Variants in MARK4 observed in about 807,000 individuals in gnomAD.
MARK4 encodes the protein microtubule affinity regulating kinase 4.
A neutral mutation model predicts 81.5 loss-of-function variants in MARK4; 19 were observed. The ratio of observed to expected loss-of-function variants is 0.23; its 90% CI spans 0.16 to 0.34. The LOEUF (loss-of-function observed/expected upper bound fraction) is 0.34, where lower values mean the gene tolerates loss of function less well. Among genes scored for constraint, MARK4 ranks in the 10% least tolerant of loss-of-function variants. The pLI is 1.00. For synonymous variants in MARK4, 436 were observed against 439.0 expected (o/e 0.99, Z 0.08); for missense variants, 772 against 1,058.8 (o/e 0.73, Z 3.76).
At chr19:45,294,106 C>G (rs1341062961) in intron 13 of MARK4, among the ~76,000 whole-genome samples, 1 of 152,104 alleles carries the variant, frequency 6.6e-6, no homozygotes, top group Admixed American at 6.5e-5. Flanking sequence ...TTCCCTGCCT[C>G]GTTTTCCCTC....
At chr19:45,251,917 C>T (rs963092449) in intron 1 of MARK4, among the ~76,000 whole-genome samples, 3 of 152,048 alleles carry the variant, frequency 2.0e-5, no homozygotes, top group Non-Finnish European at 2.9e-5. Context: ...GCCCCTTCCC[C>T]TGCTTCCAGG....
chr19:45,266,972 T>A (rs988084492), intron 7 of MARK4, among the ~76,000 whole-genome samples: 1 of 152,008 alleles, frequency 6.6e-6, no homozygotes, highest in African/African-American at 2.4e-5. Context: ...GACCTTGTGA[T>A]CCGCCCGCCT....
intron 12 of MARK4, among the ~76,000 whole-genome samples, chr19:45,283,406 T>C (rs1278997770): frequency 3.5e-5 from 3 of 85,128 alleles, no homozygotes; most frequent in South Asian, 4.3e-4. Context: ...TGAGACTTCC[T>C]CTCAAAAAAA....
intron 15 of MARK4, 67 bp downstream of exon 15, chr19:45,298,021 A>G: frequency 6.5e-7 from 1 of 1,548,204 alleles, no homozygotes; most frequent in Non-Finnish European, 8.7e-7. Context: ...CCTGTCTTCC[A>G]CTCTGCTCTG....
intron 1 of MARK4, among the ~76,000 whole-genome samples, chr19:45,256,733 C>A (rs1391026786): frequency 6.6e-6 from 1 of 152,140 alleles, no homozygotes; most frequent in Non-Finnish European, 1.5e-5. Context: ...CAGGCATATC[C>A]TGCTTTTTCG....
chr19:45,265,021 C>T (rs1385315890), intron 6 of MARK4, 111 bp downstream of exon 6: 1 of 1,060,998 alleles, frequency 9.4e-7, no homozygotes, highest in Admixed American at 1.9e-5. Flanking sequence ...GGGCTTAAGT[C>T]TGGGCAGGGG....
rs1383470469 is a variant in MARK4, at chr19:45,302,833, TG to T, written c.*128del. ...CACCTCAGTTTCCCTGAATTATATT[TG>T]GGGGCAAAGATTGTCCCCTCTGCTG... On this transcript the variant is annotated 3_prime_UTR_variant, in exon 17 of 17. Transcript: ENST00000262891. The surrounding 1 kb of genome is among the most constrained non-coding windows in gnomAD (Gnocchi z 4.9). 7.2e-6 allele frequency: 10 copies of T among 1,392,104 alleles called. No individual in the cohort carries two copies. In the East Asian group the frequency reaches 2.5e-4, roughly 35 times the overall value. 86.2% of individuals were successfully genotyped at this position (1,392,104 alleles called of 1,614,324 possible).
At chr19:45,252,616 C>T (rs1436125111) in intron 1 of MARK4, among the ~76,000 whole-genome samples, 1 of 152,100 alleles carries the variant, frequency 6.6e-6, no homozygotes, top group Non-Finnish European at 1.5e-5. Context: ...GAAGCCCCCT[C>T]CTCAGCTTCA....
rs1484768311 is a variant in MARK4, at chr19:45,287,563, G to C, written c.1393G>C (p.Gly465Arg). The C allele has an allele frequency of 6.3e-7, 1 of 1,592,618 alleles. No homozygotes were observed. The highest frequency in any genetic ancestry group is 1.3e-5 in the African/African-American group (1 of 74,486). The change falls in exon 13 of 17, where the codon GGG becomes CGG. Residue 465 changes from glycine to arginine, a missense_variant. Physicochemically the swap from Gly to Arg is moderately radical, Grantham distance 125. Around this residue, in one of 3 missense-constraint regions of MARK4, gnomAD observed 548 missense variants for 624.3 expected, o/e 0.88. Transcript: ENST00000262891. The stretch of plus-strand genomic sequence containing the variant: ...GGCGAGCTGCAGCACCGCGGGGAGT[G>C]GGAGTCGAGGGCTGCCCCCCTCCAG... ...RKASCSTAGS[G>R]SRGLPPSSPM...
intron 2 of MARK4, among the ~76,000 whole-genome samples, chr19:45,262,352 G>C (rs1316053876): frequency 7.1e-6 from 1 of 140,012 alleles, no homozygotes; most frequent in African/African-American, 2.5e-5. Context: ...AGAAAAGGGG[G>C]CGGGGGGGTG....
At position 45,280,361 on chromosome 19, in the gene MARK4, C is replaced by A. The variant is rs770271594; in HGVS notation, c.1007-13C>A. On this transcript the variant is annotated splice_polypyrimidine_tract_variant and intron_variant, in intron 10 of 16. Coordinates refer to ENST00000262891, the MANE Select transcript of MARK4 (RefSeq NM_001199867.2). The stretch of plus-strand genomic sequence containing the variant: ...CTGGGAGTCTGAAACTTCTCTCCAT[C>A]CCCCCCTCCCAGAGGTGATGGTGGG... The A allele has an allele frequency of 6.3e-7, 1 of 1,597,758 alleles. No individual in the cohort carries two copies. Among genetic ancestry groups the A allele is most frequent in the Non-Finnish European group, 8.6e-7 (1 of 1,166,196 alleles).
chr19:45,289,784 CA>C (rs1221088495), intron 13 of MARK4, among the ~76,000 whole-genome samples: 2 of 151,744 alleles, frequency 1.3e-5, no homozygotes, highest in African/African-American at 4.8e-5. Context: ...CAAAACAAAA[CA>C]AAACAAAAAG....
intron 10 of MARK4, among the ~76,000 whole-genome samples, chr19:45,278,955 A>G (rs184878671): frequency 6.6e-6 from 1 of 152,182 alleles, no homozygotes; most frequent in Non-Finnish European, 1.5e-5. Context: ...GAGGTGGTTC[A>G]TGCTGGTAAT....
chr19:45,284,982 T>TTGGGG lies in MARK4; in HGVS notation c.1277-2461_1277-2460insGTGGG, dbSNP rs1384860718. On this transcript the variant is annotated intron_variant, in intron 12 of 16. Coordinates refer to ENST00000262891, the MANE Select transcript of MARK4 (RefSeq NM_001199867.2). ...GGTGAGCACCTGTAATCTCAGCTAC[T>TTGGGG]TGGGAGGCTGAGGCAGGAGAATTGC... Among the ~76,000 whole-genome samples, 3 of 152,146 alleles carry TTGGGG rather than the reference T, an allele frequency of 2.0e-5. No homozygotes were observed. In the East Asian group the frequency reaches 5.8e-4, roughly 30 times the overall value.
chr19:45,290,114 CAAA>C (rs1405707933), intron 13 of MARK4, among the ~76,000 whole-genome samples: 2 of 152,166 alleles, frequency 1.3e-5, no homozygotes, highest in African/African-American at 4.8e-5. Context: ...AAGAAACAAA[CAAA>C]AAAGTTTTTA....
chr19:45,281,106 G>A (rs1296832344), intron 12 of MARK4, among the ~76,000 whole-genome samples: 2 of 151,584 alleles, frequency 1.3e-5, no homozygotes, highest in East Asian at 1.9e-4. Context: ...AGGCTGTAGT[G>A]CAGTGGTGTG....
intron 13 of MARK4, among the ~76,000 whole-genome samples, chr19:45,291,509 G>A (rs1162013344): frequency 2.0e-5 from 3 of 152,218 alleles, no homozygotes; most frequent in Non-Finnish European, 2.9e-5. Context: ...AGGGCCAGGC[G>A]CGGTGGCTTA....
At chr19:45,277,153 G>A (rs1166343136) in intron 8 of MARK4, among the ~76,000 whole-genome samples, 2 of 151,954 alleles carry the variant, frequency 1.3e-5, no homozygotes, top group East Asian at 1.9e-4. Flanking sequence ...TCAACTCACT[G>A]CAACCTCCAC....
At chr19:45,266,893 C>T (rs1039968292) in intron 7 of MARK4, among the ~76,000 whole-genome samples, 5 of 151,230 alleles carry the variant, frequency 3.3e-5, no homozygotes, top group East Asian at 1.9e-4. Flanking sequence ...CCACCAAGCC[C>T]GGCTAATTTT....
Sources: gnomAD v4.1 joint callset for allele counts (sites outside exome capture counted in the v4.1 genomes callset) on GRCh38, gnomAD v4.1.1 for gene constraint, gnomAD v4.1.1 regional missense constraint, Gnocchi (gnomAD v3.1) non-coding constraint, MANE v1.5 for transcripts, NCBI Gene and HGNC (gene_info 2026-07-23, HGNC 2026-07-21) for gene names.